The following MGA variants were observed in gnomAD, a reference collection of about 807,000 sequenced individuals.
MGA encodes the protein MAX gene-associated protein.
In MGA, 40 loss-of-function variants were observed where a neutral mutation model predicts 261.1. The ratio of observed to expected loss-of-function variants is 0.15; its 90% confidence interval spans 0.12 to 0.20. The LOEUF (loss-of-function observed/expected upper bound fraction) is 0.20. Among genes scored for constraint, MGA ranks in the 10% least tolerant of loss-of-function variants. The pLI, the probability that MGA is intolerant of heterozygous loss-of-function variation, is 1.00. For missense variants in MGA, 3,397 were observed against 3,630.5 expected (o/e 0.94, Z 1.65); for synonymous variants, 1,302 against 1,290.6 (o/e 1.01, Z -0.19).
In MGA at chr15:41,766,545, G is replaced by C; in HGVS notation, c.8463G>C (p.Glu2821Asp). 2 of 1,613,944 alleles carry C rather than the reference G, an allele frequency of 1.2e-6. No individual in the cohort carries two copies. Among genetic ancestry groups the C allele is most frequent in the Non-Finnish European group, 1.7e-6 (2 of 1,179,858 alleles). The change falls in exon 24 of 24, where the codon GAG (glutamate) becomes GAC (aspartate). Residue 2821 changes from glutamate (E) to aspartate (D), a missense_variant. Around this residue, in one of 9 missense-constraint regions of MGA, gnomAD observed 647 missense variants for 642.4 expected, o/e 1.01. Transcript: ENST00000219905. The stretch of plus-strand genomic sequence containing the variant: ...TGGAAGATGAGGATGATACTGATGA[G>C]ACACTGACTTCACTGCTCAATGAAA...
At chr15:41,748,267 T>A (rs923996783) in intron 15 of MGA, among the ~76,000 whole-genome samples, 4 of 149,428 alleles carry the variant, frequency 2.7e-5, no homozygotes, top group African/African-American at 9.8e-5. Flanking sequence ...AAAAAAAAAA[T>A]ATAGACTGGG....
rs200056243 is a variant in MGA at position 41,725,553 on chromosome 15, G to T, written c.3431-1627G>T. On this transcript the variant is annotated intron_variant, in intron 9 of 23. Transcript: ENST00000219905. ...ACTCTTAAAAAAATAAATAAGTAGG[G>T]CCGGGCGCGGTGGCTCACGCCTGTA... 7.3e-4 allele frequency among the ~76,000 whole-genome samples: 6 copies of T among 8,198 alleles called. 3 individuals carry two copies. Among genetic ancestry groups the T allele is most frequent in the Non-Finnish European group, 1.8e-3 (4 of 2,212 alleles). The allele number at this position is 8,198 out of a possible 152,430, so 5.4% of individuals were successfully genotyped here. A position where few individuals can be genotyped will look rare whatever the true frequency, so the allele number is the denominator to read the frequency against.
intron 5 of MGA, among the ~76,000 whole-genome samples, chr15:41,705,449 C>A (rs1051917163): frequency 1.3e-5 from 2 of 151,984 alleles, no homozygotes; most frequent in African/African-American, 4.8e-5. Flanking sequence ...GTACCCTCAA[C>A]CTCCTGGGCT....
intron 15 of MGA, 100 bp downstream of exon 15, chr15:41,743,272 A>G (rs1276577810): frequency 5.4e-5 from 72 of 1,341,428 alleles, no homozygotes; most frequent in Non-Finnish European, 7.0e-6. Flanking sequence ...ATAACAGTAT[A>G]GGTATTTCTG....
Position 41,710,949 on chromosome 15 carries a change from C to A in MGA, c.2684C>A (p.Ser895Tyr). Residue 895 changes from serine to tyrosine, a missense_variant, in exon 8 of 24, where the codon TCT becomes TAT. Physicochemically the swap from Ser to Tyr is moderately radical, Grantham distance 144. Transcript: ENST00000219905. ...AAACCTCATTCTGTACCCCCTGTCT[C>A]TCGAAAGGCAAAGTCTCAAAACAGA... is the stretch of plus-strand genomic sequence containing the variant. 1 of 1,613,954 alleles carries A rather than the reference C, an allele frequency of 6.2e-7. No individual in the cohort carries two copies. Among genetic ancestry groups the A allele is most frequent in the Non-Finnish European group, 8.5e-7 (1 of 1,179,876 alleles).
intron 9 of MGA, 52 bp from the exon 10 acceptor site, chr15:41,727,128 T>C: frequency 6.9e-6 from 10 of 1,457,024 alleles, no homozygotes; most frequent in Non-Finnish European, 9.3e-6. Flanking sequence ...GCCTCAGTAT[T>C]GATCTTTTGT....
intron 2 of MGA, chr15:41,684,606 G>A (rs1020830675): frequency 3.9e-6 from 1 of 253,740 alleles, no homozygotes; most frequent in Non-Finnish European, 8.0e-6. Flanking sequence ...TAGCAGCCCA[G>A]ATCTAGCCTC....
At chr15:41,735,763 T>C (rs1436898742) in intron 12 of MGA, among the ~76,000 whole-genome samples, 5 of 152,182 alleles carry the variant, frequency 3.3e-5, no homozygotes, top group Non-Finnish European at 7.4e-5. Flanking sequence ...ATACTATTTT[T>C]CTTGCTGTTC....
intron 2 of MGA, among the ~76,000 whole-genome samples, chr15:41,695,576 T>C (rs2059515416): frequency 6.6e-6 from 1 of 152,140 alleles, no homozygotes; most frequent in African/African-American, 2.4e-5. Context: ...AACTAGATGT[T>C]TATGTTGTTT....
chr15:41,741,346 C>CAAAAAAAAA (rs11389766), intron 14 of MGA, among the ~76,000 whole-genome samples: 1 of 72,336 alleles, frequency 1.4e-5, no homozygotes, highest in Non-Finnish European at 2.5e-5. Context: ...ACTCCATCTC[C>CAAAAAAAAA]AAAAAAAAAA....
At chr15:41,624,793 A>G (rs1423258237) in intron 1 of MGA, among the ~76,000 whole-genome samples, 2 of 152,186 alleles carry the variant, frequency 1.3e-5, no homozygotes, top group African/African-American at 4.8e-5. Context: ...AAAATATAAA[A>G]CGTGAAATCA....
chr15:41,682,310 G>A (rs1188356588), intron 2 of MGA, among the ~76,000 whole-genome samples: 1 of 151,910 alleles, frequency 6.6e-6, no homozygotes, highest in Admixed American at 6.6e-5. Context: ...TCTATTGAAA[G>A]TAAATTTTTG....
Position 41,669,883 on chromosome 15 carries a change from G to C in MGA, c.989G>C (p.Arg330Pro). The change falls in exon 2 of 24, where the codon CGA becomes CCA. Residue 330 changes from arginine to proline, a missense_variant. Around this residue, in one of 9 missense-constraint regions of MGA, gnomAD observed 563 missense variants for 563.6 expected, o/e 1.00. Transcript: ENST00000219905. ...GAGAAGACTTCCCTTAATATAAAAC[G>C]AGACTTTCTTGGTTTCATGGATACT... 1 of 1,613,932 alleles carries C rather than the reference G, an allele frequency of 6.2e-7. No individual in the cohort carries two copies. Among genetic ancestry groups the C allele is most frequent in the Non-Finnish European group, 8.5e-7 (1 of 1,179,878 alleles).
rs867181811 is a variant in MGA at position 41,725,853 on chromosome 15, A to T, written c.3431-1327A>T. ...CCGTCTCAAAAAAAAAAAAAAAAAAAAAATAAATAAATAAATAAATAAATA... is the reference window on the plus strand; with the variant it reads ...CCGTCTCAAAAAAAAAAAAAAAAAATAAATAAATAAATAAATAAATAAATA... On this transcript the variant is annotated intron_variant, in intron 9 of 23. Transcript: ENST00000219905. Among the ~76,000 whole-genome samples the T allele has an allele frequency of 5.9e-3, 143 of 24,260 alleles. 47 individuals are homozygous for T. In the South Asian group the frequency reaches 0.061, roughly 10 times the overall value. The allele number at this position is 24,260 out of a possible 152,430, so 15.9% of individuals were successfully genotyped here.
At chr15:41,649,373 C>T (rs2150698575) in intron 1 of MGA, among the ~76,000 whole-genome samples, 1 of 66,076 alleles carries the variant, frequency 1.5e-5, no homozygotes, top group African/African-American at 5.2e-5. Flanking sequence ...CAGAGTGAGA[C>T]TGTCTCAAAA....
Position 41,669,890 on chromosome 15 carries a change from T to A in MGA, c.996T>A (p.Phe332Leu), listed in dbSNP as rs368388280. 2.5e-6 allele frequency: 4 copies of A among 1,613,890 alleles called. No homozygotes were observed. In the African/African-American group the frequency reaches 5.3e-5, roughly 22 times the overall value. Residue 332 changes from phenylalanine (F) to leucine (L), a missense_variant, in exon 2 of 24, where the codon TTT becomes TTA. Physicochemically the swap from Phe to Leu is conservative, Grantham distance 22 (BLOSUM62 0). Around this residue, in one of 9 missense-constraint regions of MGA, gnomAD observed 563 missense variants for 563.6 expected, o/e 1.00. Transcript: ENST00000219905. ...CTTCCCTTAATATAAAACGAGACTT[T>A]CTTGGTTTCATGGATACTGATTCAG...
At chr15:41,726,455 A>G (rs1412136309) in intron 9 of MGA, among the ~76,000 whole-genome samples, 1 of 152,172 alleles carries the variant, frequency 6.6e-6, no homozygotes, top group Non-Finnish European at 1.5e-5. Flanking sequence ...TTGACTAGGC[A>G]TGGTGGCTCA....
rs367606692 is a variant in MGA, at chr15:41,760,305, G to T, written c.7192-18G>T. ...ACTACATGTTCAAGATGTTTAGGAG[G>T]CAATCTTGTTTGGACAGGCTCCACC... is the stretch of plus-strand genomic sequence containing the variant. On this transcript the variant is annotated intron_variant, in intron 19 of 23. Transcript: ENST00000219905. 207 of 1,611,926 alleles carry T rather than the reference G, an allele frequency of 1.3e-4. No homozygotes were observed. The highest frequency in any genetic ancestry group is 1.7e-4 in the Non-Finnish European group (200 of 1,178,262).
upstream of MGA, among the ~76,000 whole-genome samples, chr15:41,657,074 C>CGAAGGA: frequency 6.6e-6 from 1 of 152,262 alleles, no homozygotes; most frequent in South Asian, 2.1e-4. Flanking sequence ...ACCACTGCGC[C>CGAAGGA]CAGCCCAGAA....
Sources: gnomAD v4.1 joint callset for allele counts (sites outside exome capture counted in the v4.1 genomes callset) on GRCh38, gnomAD v4.1.1 for gene constraint, gnomAD v4.1.1 regional missense constraint, MANE v1.5 for transcripts, NCBI Gene and HGNC (gene_info 2026-07-23, HGNC 2026-07-21) for gene names.